Variants in CPSF3 observed in about 807,000 individuals in gnomAD.
The protein encoded by CPSF3 is cleavage and polyadenylation specific factor 3.
In CPSF3, 57 loss-of-function variants were observed where a neutral mutation model predicts 84.1. The observed-to-expected ratio is 0.68, with a 90% CI of 0.55 to 0.85. CPSF3 has a LOEUF of 0.85. CPSF3 is among the 40% of genes least tolerant of loss of function. The pLI is 0.00. For missense variants in CPSF3, 522 were observed against 838.8 expected (o/e 0.62, Z 4.66); for synonymous variants, 275 against 278.1 (o/e 0.99, Z 0.11).
intron 16 of CPSF3, among the ~76,000 whole-genome samples, chr2:9,468,563 G>C (rs1006530472): frequency 2.0e-5 from 3 of 151,058 alleles, no homozygotes; most frequent in African/African-American, 7.3e-5. Context: ...AGTTTAGAAG[G>C]CTTTTATGCT....
chr2:9,458,587 T>C (rs1224327742), intron 14 of CPSF3, among the ~76,000 whole-genome samples: 1 of 152,134 alleles, frequency 6.6e-6, no homozygotes, highest in Non-Finnish European at 1.5e-5. Context: ...TCCTAGCACC[T>C]TGGGAGGCCA....
At chr2:9,427,828 T>C (rs1680442338) in intron 1 of CPSF3, among the ~76,000 whole-genome samples, 2 of 152,144 alleles carry the variant, frequency 1.3e-5, no homozygotes, top group Admixed American at 1.3e-4. Context: ...ATTTGAAAGA[T>C]GAGGTTTAAC....
At chr2:9,451,777 C>T (rs368829459) in intron 11 of CPSF3, among the ~76,000 whole-genome samples, 64 of 145,486 alleles carry the variant, frequency 4.4e-4, no homozygotes, top group African/African-American at 1.5e-3. Context: ...AGTGCAGTGG[C>T]GCGATCTCAG....
chr2:9,444,160 T>TATATATATA (rs1460239502), intron 10 of CPSF3, among the ~76,000 whole-genome samples: 183 of 115,836 alleles, frequency 1.6e-3, no homozygotes, highest in Non-Finnish European at 2.8e-3. Context: ...ATATATATAT[T>TATATATATA]TTTTTTTTTT....
chr2:9,429,887 G>A lies in CPSF3; in HGVS notation c.115-36G>A, dbSNP rs543232247. ...TGCCGAATGAATTTTAATAAAATGT[G>A]CAGGAGATTGTGATCTCTTTTCCTG... On this transcript the variant is annotated intron_variant, in intron 2 of 17. Coordinates refer to ENST00000238112, the MANE Select transcript of CPSF3 (RefSeq NM_016207.4). The A allele has an allele frequency of 6.6e-6, 9 of 1,357,788 alleles. No homozygotes were observed. The South Asian group carries it at 8.7e-5, about 13-fold the overall frequency. 84.1% of individuals were successfully genotyped at this position (1,357,788 alleles called of 1,614,324 possible).
chr2:9,466,640 A>T lies in CPSF3; in HGVS notation c.1787-1067A>T, dbSNP rs150720770. 5.6e-4 allele frequency among the ~76,000 whole-genome samples: 86 copies of T among 152,272 alleles called. 2 individuals are homozygous for T. In the East Asian group the frequency reaches 0.016, roughly 28 times the overall value. On this transcript the variant is annotated intron_variant, in intron 15 of 17. Transcript: ENST00000238112. ...ATGCACACCTCCGAAAAGGAACCCC[A>T]TATCCCTTACGTATGATGCCCCAAT...
intron 1 of CPSF3, among the ~76,000 whole-genome samples, chr2:9,427,873 C>T (rs1297919438): frequency 6.6e-6 from 1 of 151,288 alleles, no homozygotes. Context: ...CAAATTATGG[C>T]TGAAATTATT....
chr2:9,466,196 TCACACA>T (rs372005769), intron 15 of CPSF3, among the ~76,000 whole-genome samples: 1 of 141,558 alleles, frequency 7.1e-6, no homozygotes, highest in Non-Finnish European at 1.6e-5. Context: ...ACACACGCGC[TCACACA>T]CACACGCGCA....
intron 1 of CPSF3, 130 bp downstream of exon 1, chr2:9,423,953 G>T (rs188580493): frequency 2.0e-6 from 3 of 1,471,476 alleles, no homozygotes; most frequent in Admixed American, 5.1e-5. Context: ...CGCGCTTGCG[G>T]GCCAGGCTTC....
chr2:9,445,320 C>T (rs529936563), intron 10 of CPSF3, among the ~76,000 whole-genome samples: 10 of 152,240 alleles, frequency 6.6e-5, no homozygotes, highest in Non-Finnish European at 1.5e-4. Context: ...AGTCATGGTC[C>T]GTTATATGTA....
chr2:9,430,679 A>G (rs1478607952), intron 3 of CPSF3, 73 bp from the exon 4 acceptor site: 8 of 1,425,504 alleles, frequency 5.6e-6, no homozygotes, highest in Non-Finnish European at 7.7e-6. Context: ...TTTGTACAGT[A>G]AGCAACAGTT....
intron 6 of CPSF3, among the ~76,000 whole-genome samples, 164 bp from the exon 7 acceptor site, chr2:9,436,047 C>A (rs1292172631): frequency 2.6e-5 from 4 of 152,092 alleles, no homozygotes; most frequent in African/African-American, 9.7e-5. Context: ...TTCTAGCATT[C>A]TTGCTTGCTC....
chr2:9,466,294 ACGCATG>A (rs1417659770), intron 15 of CPSF3, among the ~76,000 whole-genome samples: 2 of 122,906 alleles, frequency 1.6e-5, no homozygotes, highest in African/African-American at 5.6e-5. Context: ...GCGCACACAG[ACGCATG>A]CACACGCACA....
At chr2:9,458,495 AG>A (rs1308974394) in intron 14 of CPSF3, among the ~76,000 whole-genome samples, 1 of 152,198 alleles carries the variant, frequency 6.6e-6, no homozygotes, top group Non-Finnish European at 1.5e-5. Context: ...TATCAGAAAA[AG>A]GGGGAAGTTA....
At position 9,460,760 on chromosome 2, in the gene CPSF3, C is replaced by T. The variant is rs578018321; in HGVS notation, c.1786+1142C>T. 8.6e-5 allele frequency among the ~76,000 whole-genome samples: 13 copies of T among 151,364 alleles called. No individual in the cohort carries two copies. The East Asian group carries it at 2.1e-3, about 25-fold the overall frequency. Reference sequence around the variant, plus strand: ...GCCTGGGGCTCAAATGATCCTCTCACGTCAGCCTCCTGAGTGGCTGAGACT... The same window carrying T: ...GCCTGGGGCTCAAATGATCCTCTCATGTCAGCCTCCTGAGTGGCTGAGACT... On this transcript the variant is annotated intron_variant, in intron 15 of 17. Coordinates refer to ENST00000238112, the MANE Select transcript of CPSF3 (RefSeq NM_016207.4).
intron 11 of CPSF3, among the ~76,000 whole-genome samples, chr2:9,452,325 CAAAAAAA>C (rs58267919): frequency 0.019 from 1,366 of 72,870 alleles, 27 homozygotes; most frequent in African/African-American, 0.047. Flanking sequence ...GACACTGTCT[CAAAAAAA>C]AAAAAAAAAA....
At chr2:9,432,260 A>C (rs1680616844) in intron 4 of CPSF3, among the ~76,000 whole-genome samples, 1 of 152,136 alleles carries the variant, frequency 6.6e-6, no homozygotes, top group South Asian at 2.1e-4. Context: ...TATTATTGAA[A>C]ATTGAGAGTA....
intron 16 of CPSF3, 117 bp from the exon 17 acceptor site, chr2:9,471,226 A>G (rs1572816680): frequency 3.2e-6 from 2 of 633,000 alleles, no homozygotes; most frequent in African/African-American, 3.8e-5. Flanking sequence ...AAAAAAAAAG[A>G]AAAAAAGTAA....
At chr2:9,447,991 A>G (rs762189533) in intron 10 of CPSF3, among the ~76,000 whole-genome samples, 1 of 152,220 alleles carries the variant, frequency 6.6e-6, no homozygotes, top group Non-Finnish European at 1.5e-5. Context: ...TCTTTGTTCA[A>G]ATAGTACCAC....
Sources: allele counts gnomAD v4.1 joint callset (sites outside exome capture counted in the v4.1 genomes callset), GRCh38; gene constraint gnomAD v4.1.1; transcripts MANE v1.5; gene names NCBI Gene and HGNC (gene_info 2026-07-23, HGNC 2026-07-21).